Variants in SNED1 observed in about 807,000 individuals in gnomAD.
The protein encoded by SNED1 is sushi, nidogen and EGF-like domain-containing protein 1.
SNED1 carries 81 observed loss-of-function variants against 166.7 expected under a neutral mutation model. The ratio of observed to expected loss-of-function variants is 0.49; its 90% CI spans 0.41 to 0.58. The LOEUF (loss-of-function observed/expected upper bound fraction) is 0.58, where lower values mean the gene tolerates loss of function less well. Among genes scored for constraint, SNED1 ranks in the 20% least tolerant of loss-of-function variants. The pLI is 0.00. For synonymous variants in SNED1, 762 were observed against 822.0 expected (o/e 0.93, Z 1.25); for missense variants, 1,604 against 2,000.2 (o/e 0.80, Z 3.78).
chr2:241,033,902 G>C (rs2061262924), intron 3 of SNED1, 27 bp downstream of exon 3: 1 of 1,571,642 alleles, frequency 6.4e-7, no homozygotes, highest in Non-Finnish European at 8.6e-7. Context: ...GGTGCTCTGT[G>C]TTCAGAACCC....
rs1374677530 is a variant in SNED1, at chr2:241,049,797, C to T, written c.1619-20C>T. ...GATGCGGCGTAAGCTCCAGGACCAC[C>T]CTCTGTCCCCCGCCCCCAGCCCTGC... On this transcript the variant is annotated intron_variant, in intron 11 of 31. Coordinates refer to ENST00000310397, the MANE Select transcript of SNED1 (RefSeq NM_001080437.3). The T allele has an allele frequency of 1.3e-6, 2 of 1,594,694 alleles. No individual in the cohort carries two copies. Among genetic ancestry groups the T allele is most frequent in the African/African-American group, 1.4e-5 (1 of 73,872 alleles).
chr2:241,025,907 G>A (rs1011637161), intron 1 of SNED1, among the ~76,000 whole-genome samples: 1 of 148,678 alleles, frequency 6.7e-6, no homozygotes, highest in Non-Finnish European at 1.5e-5. Context: ...TGAATAATTT[G>A]TGCAGCAGCA....
chr2:241,086,176 G>A (rs549894974), intron 29 of SNED1, among the ~76,000 whole-genome samples: 61 of 152,104 alleles, frequency 4.0e-4, no homozygotes, highest in Non-Finnish European at 7.5e-4. Flanking sequence ...CCTGTCTGGG[G>A]TTTCTATGGA....
chr2:240,998,951 C>A lies in SNED1; in HGVS notation c.114C>A (p.Arg38=). The A allele has an allele frequency of 7.7e-7, 1 of 1,298,586 alleles. No homozygotes were observed. Among genetic ancestry groups the A allele is most frequent in the South Asian group, 2.0e-5 (1 of 49,018 alleles). 80.4% of individuals were successfully genotyped at this position (1,298,586 alleles called of 1,614,324 possible). The change falls in exon 1 of 32, where the codon CGC becomes CGA. Residue 38 remains arginine, a synonymous_variant. Coordinates refer to ENST00000310397, the MANE Select transcript of SNED1 (RefSeq NM_001080437.3). ...ACTTCTACCCGTTCGGCGCCGAGCG[C>A]GGCGACGCCGTCACCCCCAAGCAGG... ...LADFYPFGAE[R]GDAVTPKQDD...
At chr2:241,054,297 A>G (rs1228205333) in intron 16 of SNED1, among the ~76,000 whole-genome samples, 1 of 152,248 alleles carries the variant, frequency 6.6e-6, no homozygotes, top group Non-Finnish European at 1.5e-5. Context: ...TCAGAAAACA[A>G]TAATAAAAGT....
chr2:241,086,274 T>G (rs1286066402), intron 29 of SNED1, among the ~76,000 whole-genome samples: 1 of 152,228 alleles, frequency 6.6e-6, no homozygotes, highest in Non-Finnish European at 1.5e-5. Flanking sequence ...GGATTCACCC[T>G]ATGCATGCAC....
At chr2:241,062,950 G>A in intron 17 of SNED1, 46 bp downstream of exon 17, 1 of 1,279,490 alleles carries the variant, frequency 7.8e-7, no homozygotes, top group Non-Finnish European at 1.1e-6. Context: ...GCAGCACACT[G>A]GCCATGTGCC....
intron 16 of SNED1, among the ~76,000 whole-genome samples, chr2:241,057,322 T>A (rs950727301): frequency 1.3e-5 from 2 of 149,252 alleles, no homozygotes; most frequent in African/African-American, 2.5e-5. Flanking sequence ...GAGGTTGCAA[T>A]GAGCCGAGAT....
At chr2:241,052,519 C>A in intron 15 of SNED1, 51 bp downstream of exon 15, 1 of 1,392,956 alleles carries the variant, frequency 7.2e-7, no homozygotes, top group Non-Finnish European at 1.0e-6. Flanking sequence ...CAGTGCCAGG[C>A]AGGTGAGATG....
intron 8 of SNED1, among the ~76,000 whole-genome samples, chr2:241,043,665 C>T (rs903513357): frequency 6.6e-6 from 1 of 152,100 alleles, no homozygotes; most frequent in African/African-American, 2.4e-5. Flanking sequence ...AACTTACATG[C>T]AGAAATAAAA....
intron 6 of SNED1, 124 bp downstream of exon 6, chr2:241,037,477 G>A (rs1016063524): frequency 1.7e-4 from 118 of 678,118 alleles, no homozygotes; most frequent in Non-Finnish European, 2.8e-5. Context: ...AGACAGCCCA[G>A]AGAAGCCACC....
At chr2:241,037,008 G>A (rs1161127544) in intron 5 of SNED1, 93 bp downstream of exon 5, 23 of 1,462,896 alleles carry the variant, frequency 1.6e-5, no homozygotes, top group Non-Finnish European at 2.0e-5. Context: ...GGCGCCCAGG[G>A]TCCCAGGTCA....
At position 241,030,441 on chromosome 2, in the gene SNED1, C is replaced by G; in HGVS notation, c.371C>G (p.Pro124Arg). Residue 124 changes from proline (P) to arginine (R), a missense_variant, in exon 2 of 32, where the codon CCA (proline) becomes CGA (arginine). By Grantham distance (103) the Pro-to-Arg change is moderately radical (BLOSUM62 -2). Around this residue, in one of 2 missense-constraint regions of SNED1, gnomAD observed 1,237 missense variants for 1,620.8 expected, o/e 0.76. Transcript: ENST00000310397. ...GTGTACTACCGGGAGGCCACCGACC[C>G]AGCCATGCTGCGCCGAGCCACGGAG... ...GDVYYREATD[P>R]AMLRRATEDV... 7 of 1,613,690 alleles carry G rather than the reference C, an allele frequency of 4.3e-6. No homozygotes were observed. The highest frequency in any genetic ancestry group is 5.9e-6 in the Non-Finnish European group (7 of 1,179,830).
Position 241,049,866 on chromosome 2 carries a change from C to T in SNED1, c.1668C>T (p.Cys556=). 1 of 1,613,868 alleles carries T rather than the reference C, an allele frequency of 6.2e-7. No homozygotes were observed. Among genetic ancestry groups the T allele is most frequent in the Non-Finnish European group, 8.5e-7 (1 of 1,179,784 alleles). ...DSDPCFNGGS[C]DAHDDSYTCE... is the part of the protein sequence containing the mutation. ...ACCCCTGCTTCAACGGAGGCTCCTG[C>T]GATGCCCATGACGACTCCTACACCT... is the stretch of plus-strand genomic sequence containing the variant. Residue 556 remains cysteine (C), a synonymous_variant, in exon 12 of 32, where the codon TGC becomes TGT. Transcript: ENST00000310397.
chr2:241,025,937 A>AG (rs1470421873), intron 1 of SNED1, among the ~76,000 whole-genome samples: 2 of 151,666 alleles, frequency 1.3e-5, no homozygotes, highest in East Asian at 3.8e-4. Context: ...GAAAAAAAAA[A>AG]TGAAGATTGT....
At chr2:241,088,257 A>C in intron 30 of SNED1, 108 bp from the exon 31 acceptor site, 1 of 796,216 alleles carries the variant, frequency 1.3e-6, no homozygotes. Flanking sequence ...CGTGGAATGT[A>C]TGTGAGCTAA....
chr2:241,021,674 T>C (rs1336111399), intron 1 of SNED1, among the ~76,000 whole-genome samples: 1 of 152,274 alleles, frequency 6.6e-6, no homozygotes, highest in African/African-American at 2.4e-5. Context: ...ATTCATGAGT[T>C]GATAGACACT....
At position 241,063,595 on chromosome 2, in the gene SNED1, G is replaced by A. The variant is rs1197077387; in HGVS notation, c.2380G>A (p.Glu794Lys). 6.2e-7 allele frequency: 1 copy of A among 1,606,852 alleles called. No homozygotes were observed. Residue 794 changes from glutamate to lysine, a missense_variant, in exon 18 of 32, where the codon GAG becomes AAG. By Grantham distance (56) the Glu-to-Lys change is moderately conservative. Transcript: ENST00000310397. Reference sequence around the variant, plus strand: ...ACCCCTTCTCTGTGCAGAGAGGGATGAGTGCCGAGCTCACCCGTGCAGAAA... The same window carrying A: ...ACCCCTTCTCTGTGCAGAGAGGGATAAGTGCCGAGCTCACCCGTGCAGAAA... ...EGAHCELERD[E>K]CRAHPCRNGG...
chr2:241,051,406 A>C lies in SNED1; in HGVS notation c.1736-338A>C. 4.1e-6 allele frequency: 1 copy of C among 245,600 alleles called. No homozygotes were observed. The allele number at this position is 245,600 out of a possible 1,614,324, so 15.2% of individuals were successfully genotyped here. On this transcript the variant is annotated intron_variant, in intron 12 of 31. Coordinates refer to ENST00000310397, the MANE Select transcript of SNED1 (RefSeq NM_001080437.3). The surrounding 1 kb of genome is among the most constrained non-coding windows in gnomAD (Gnocchi z 4.7). Reference sequence around the variant, plus strand: ...TCAGCTGCTTCCTGTCAGATGGGGAATGCCCGTGTGCAGGAGGGAGGGAGT... The same window carrying C: ...TCAGCTGCTTCCTGTCAGATGGGGACTGCCCGTGTGCAGGAGGGAGGGAGT...
Sources: gnomAD v4.1 joint callset for allele counts (sites outside exome capture counted in the v4.1 genomes callset) on GRCh38, gnomAD v4.1.1 for gene constraint, gnomAD v4.1.1 regional missense constraint, Gnocchi (gnomAD v3.1) non-coding constraint, MANE v1.5 for transcripts, NCBI Gene and HGNC (gene_info 2026-07-23, HGNC 2026-07-21) for gene names.